The following ANXA8 variants were observed in gnomAD, a reference collection of about 807,000 sequenced individuals.
ANXA8 encodes the protein VAC-beta.
A neutral mutation model predicts 26.8 loss-of-function variants in ANXA8; 9 were observed. The ratio of observed to expected loss-of-function variants is 0.34; its 90% CI spans 0.20 to 0.59. The LOEUF (loss-of-function observed/expected upper bound fraction) is 0.59, where lower values mean the gene tolerates loss of function less well. Ranked by LOEUF, ANXA8 falls within the 20% of genes least tolerant of loss-of-function variation. The probability of loss-of-function intolerance (pLI) is 0.84; values close to 1 mark genes in which losing one functional copy is unlikely to be tolerated. For synonymous variants in ANXA8, 39 were observed against 94.8 expected (o/e 0.41, Z 3.42); for missense variants, 83 against 238.5 (o/e 0.35, Z 4.29).
the ANXA8 span, among the ~76,000 whole-genome samples, chr10:47,580,678 G>T: frequency 5.8e-3 from 878 of 150,184 alleles, 14 homozygotes; most frequent in Non-Finnish European, 8.2e-3. Flanking sequence ...GGGAGGCAGA[G>T]GCTGCAGTGA....
At chr10:47,540,430 C>A in the ANXA8 span, among the ~76,000 whole-genome samples, 2 of 125,272 alleles carry the variant, frequency 1.6e-5, no homozygotes, top group Admixed American at 9.7e-5. Flanking sequence ...AAGGAATAAC[C>A]CTTAAAAAAA....
the ANXA8 span, among the ~76,000 whole-genome samples, chr10:47,666,891 A>T: frequency 6.6e-6 from 1 of 151,970 alleles, no homozygotes; most frequent in African/African-American, 2.4e-5. Context: ...TAAAAAATTG[A>T]TTTACTTGAA....
chr10:47,942,912 C>A, the ANXA8 span, among the ~76,000 whole-genome samples: 5 of 141,490 alleles, frequency 3.5e-5, 1 homozygote, highest in African/African-American at 1.4e-4. Flanking sequence ...CATGCACTCT[C>A]ATGCCCTTCC....
chr10:47,918,383 G>GAGAGAGAGAAAGAAAGAA, the ANXA8 span, among the ~76,000 whole-genome samples: 1 of 10,502 alleles, frequency 9.5e-5, no homozygotes, highest in East Asian at 1.3e-3. Flanking sequence ...GAGAGAGAGA[G>GAGAGAGAGAAAGAAAGAA]AGAAAGAAAG....
chr10:47,980,463 A>G, the ANXA8 span, among the ~76,000 whole-genome samples: 1 of 151,776 alleles, frequency 6.6e-6, no homozygotes, highest in South Asian at 2.1e-4. Flanking sequence ...ACACTAAGGG[A>G]AAAAACAAGA....
the ANXA8 span, among the ~76,000 whole-genome samples, chr10:47,741,803 C>A: frequency 6.6e-6 from 1 of 151,074 alleles, no homozygotes; most frequent in East Asian, 1.9e-4. Flanking sequence ...TGAATTATAT[C>A]TCAATAAAAC....
chr10:47,587,203 C>CAAA, the ANXA8 span, among the ~76,000 whole-genome samples: 11 of 126,722 alleles, frequency 8.7e-5, no homozygotes, highest in East Asian at 6.8e-4. Context: ...GACTCTGTCT[C>CAAA]AAAAAAAAAA....
At chr10:47,587,211 A>AT in the ANXA8 span, among the ~76,000 whole-genome samples, 17 of 147,510 alleles carry the variant, frequency 1.2e-4, no homozygotes, top group South Asian at 4.2e-4. Context: ...CTCAAAAAAA[A>AT]AAAAAATAAA....
the ANXA8 span, among the ~76,000 whole-genome samples, chr10:47,609,258 C>G: frequency 4.7e-5 from 7 of 147,798 alleles, no homozygotes; most frequent in Non-Finnish European, 8.9e-5. Context: ...TGAGAAATGC[C>G]AAGGAGATGT....
chr10:47,614,757 C>A, the ANXA8 span, among the ~76,000 whole-genome samples: 4 of 45,852 alleles, frequency 8.7e-5, 2 homozygotes, highest in African/African-American at 1.3e-4. Flanking sequence ...CTCCCGGGTT[C>A]AAGTGATTCT....
At chr10:47,704,123 G>T in the ANXA8 span, among the ~76,000 whole-genome samples, 4 of 140,236 alleles carry the variant, frequency 2.9e-5, 1 homozygote, top group African/African-American at 5.0e-5. Context: ...TAGGAGAATT[G>T]GTAAAATTTA....
chr10:47,707,587 A>T, the ANXA8 span, among the ~76,000 whole-genome samples: 1 of 139,276 alleles, frequency 7.2e-6, no homozygotes, highest in Non-Finnish European at 1.6e-5. Flanking sequence ...AGGTTTTGTC[A>T]TGTTGCCCAA....
At chr10:47,667,503 T>C in the ANXA8 span, among the ~76,000 whole-genome samples, 1 of 151,874 alleles carries the variant, frequency 6.6e-6, no homozygotes, top group Admixed American at 6.5e-5. Flanking sequence ...TTTTTGTTGT[T>C]GTTTTTGTTT....
At chr10:47,940,413 C>T in the ANXA8 span, among the ~76,000 whole-genome samples, 4 of 147,224 alleles carry the variant, frequency 2.7e-5, no homozygotes, top group Admixed American at 6.7e-5. Context: ...ACCTTCCCCA[C>T]GATGCAGCCA....
At chr10:47,694,320 T>C in the ANXA8 span, among the ~76,000 whole-genome samples, 1 of 151,406 alleles carries the variant, frequency 6.6e-6, no homozygotes, top group Non-Finnish European at 1.5e-5. Context: ...AAAAGAAATC[T>C]ACACTTTTCT....
the ANXA8 span, among the ~76,000 whole-genome samples, chr10:47,648,024 G>T: frequency 4.9e-4 from 74 of 151,948 alleles, no homozygotes; most frequent in African/African-American, 1.7e-3. Context: ...CTGAGCTGAG[G>T]CTAGACCTCT....
the ANXA8 span, among the ~76,000 whole-genome samples, chr10:47,979,313 C>G: frequency 2.0e-5 from 3 of 151,700 alleles, no homozygotes; most frequent in Non-Finnish European, 4.4e-5. Flanking sequence ...AGTAAACCCA[C>G]TAGAGCTGGT....
chr10:47,547,447 T>C, the ANXA8 span, among the ~76,000 whole-genome samples: 837 of 126,014 alleles, frequency 6.6e-3, 55 homozygotes, highest in African/African-American at 0.023. Flanking sequence ...CATATACATA[T>C]ATATAAAGGT....
the ANXA8 span, among the ~76,000 whole-genome samples, chr10:47,755,342 G>A: frequency 2.7e-4 from 41 of 152,034 alleles, no homozygotes; most frequent in Admixed American, 8.5e-4. Context: ...TGCAAGCTCC[G>A]CCTCCCAGGC....
Sources: gnomAD v4.1 joint callset for allele counts (sites outside exome capture counted in the v4.1 genomes callset) on GRCh38, gnomAD v4.1.1 for gene constraint, MANE v1.5 for transcripts, NCBI Gene and HGNC (gene_info 2026-07-23, HGNC 2026-07-21) for gene names.